SOX30: variants seen among roughly 807,000 people sequenced by gnomAD.
The protein encoded by SOX30 is transcription factor SOX-30.
A neutral mutation model predicts 58.6 loss-of-function variants in SOX30; 17 were observed. The observed-to-expected ratio is 0.29, with a 90% CI of 0.20 to 0.44. SOX30 has a LOEUF of 0.44. Among genes scored for constraint, SOX30 ranks in the 20% least tolerant of loss-of-function variants. SOX30 has a pLI of 1.00. For synonymous variants in SOX30, 421 were observed against 400.2 expected (o/e 1.05, Z -0.62); for missense variants, 951 against 965.8 (o/e 0.98, Z 0.20).
chr5:157,640,501 G>C (rs151051727), intron 3 of SOX30, among the ~76,000 whole-genome samples: 215 of 151,932 alleles, frequency 1.4e-3, no homozygotes, highest in Admixed American at 0.012. Context: ...CCATACATGC[G>C]CACTGACCAC....
At chr5:157,650,789 C>A (rs1759309252) in intron 1 of SOX30, among the ~76,000 whole-genome samples, 1 of 152,116 alleles carries the variant, frequency 6.6e-6, no homozygotes, top group African/African-American at 2.4e-5. Context: ...TATTTTTAAT[C>A]TTGATTATTT....
chr5:157,643,313 G>A (rs1297547169), intron 3 of SOX30, among the ~76,000 whole-genome samples: 4 of 152,094 alleles, frequency 2.6e-5, no homozygotes, highest in Non-Finnish European at 5.9e-5. Flanking sequence ...CCAGCTACTC[G>A]GGAGGCTCAG....
chr5:157,668,468 T>C (rs1277559259), intron 1 of SOX30, among the ~76,000 whole-genome samples: 2 of 152,044 alleles, frequency 1.3e-5, no homozygotes, highest in African/African-American at 4.8e-5. Flanking sequence ...AGTTCTGACA[T>C]ATCTGTCTCA....
At chr5:157,633,694 GC>G (rs1187029796) in intron 4 of SOX30, among the ~76,000 whole-genome samples, 2 of 152,122 alleles carry the variant, frequency 1.3e-5, no homozygotes, top group Non-Finnish European at 2.9e-5. Context: ...AAAGAGAATT[GC>G]TTTTAACCTT....
At chr5:157,633,962 G>A (rs1214762908) in intron 4 of SOX30, among the ~76,000 whole-genome samples, 3 of 152,170 alleles carry the variant, frequency 2.0e-5, no homozygotes, top group African/African-American at 7.2e-5. Flanking sequence ...CAAGAAGAAG[G>A]AAGAGGAAGG....
chr5:157,652,405 T>G lies in SOX30; in HGVS notation c.-327A>C. The G allele has an allele frequency of 9.4e-7, 1 of 1,067,880 alleles. No homozygotes were observed. The allele number at this position is 1,067,880 out of a possible 1,614,324, so 66.2% of individuals were successfully genotyped here. On this transcript the variant is annotated 5_prime_UTR_variant, in exon 1 of 5. Coordinates refer to ENST00000265007, the MANE Select transcript of SOX30 (RefSeq NM_178424.2). ...GGAGTTCTCTTACAGCCGTTGTCTT[T>G]AGTCATCCCTCCCCCACCCGGAGCT... is the stretch of plus-strand genomic sequence containing the variant.
intron 3 of SOX30, among the ~76,000 whole-genome samples, chr5:157,642,309 C>T (rs944850355): frequency 6.3e-4 from 82 of 131,022 alleles, no homozygotes; most frequent in African/African-American, 2.5e-3. Context: ...GAGTAAGATT[C>T]CCTCTCAAAA....
Position 157,626,495 on chromosome 5 carries a change from T to G in SOX30, c.2107A>C (p.Ser703Arg). The G allele has an allele frequency of 6.2e-7, 1 of 1,614,224 alleles. No individual in the cohort carries two copies. Among genetic ancestry groups the G allele is most frequent in the East Asian group, 2.2e-5 (1 of 44,888 alleles). The change falls in exon 5 of 5, where the codon AGT becomes CGT. Residue 703 changes from serine (S) to arginine (R), a missense_variant. Physicochemically the swap from Ser to Arg is moderately radical, Grantham distance 110 (BLOSUM62 -1). This residue lies in a region of SOX30 where 381 missense variants were observed against 390.0 expected (regional missense o/e 0.98). Transcript: ENST00000265007. ...ACAGGGTTTAAGTTTTCTTCCCCAC[T>G]GTGGCTATGACTGTTATAGTAAGAA... ...GTSYYNSHSH[S>R]GEENLNPVPQ...
rs572842563 is a variant in SOX30, at chr5:157,667,693, C to A, written c.52+105G>T. On this transcript the variant is annotated intron_variant, in intron 2 of 5. Transcript: ENST00000519442. ...CGCAGAGGCTGCAGTGACCTGATATCATGCCACTGCCCTCCAGCCTGGGCG... is the reference window on the plus strand; with the variant it reads ...CGCAGAGGCTGCAGTGACCTGATATAATGCCACTGCCCTCCAGCCTGGGCG... 6.2e-6 allele frequency: 9 copies of A among 1,451,626 alleles called. 1 individual carries two copies. In the East Asian group the frequency reaches 1.0e-4, roughly 16 times the overall value. The allele number at this position is 1,451,626 out of a possible 1,614,324, so 89.9% of individuals were successfully genotyped here.
In SOX30 at chr5:157,625,697, T is replaced by G. The variant is rs1758632017; in HGVS notation, c.*643A>C. The G allele has an allele frequency of 6.6e-6, 1 of 152,642 alleles. No individual in the cohort carries two copies. Among genetic ancestry groups the G allele is most frequent in the Non-Finnish European group, 1.5e-5 (1 of 68,050 alleles). The allele number at this position is 152,642 out of a possible 1,614,324, so 9.5% of individuals were successfully genotyped here. On this transcript the variant is annotated 3_prime_UTR_variant, in exon 5 of 5. Transcript: ENST00000265007. ...CAACAAGAACAATTTTATCTATGTT[T>G]ATTTAATTACAACAAAGAACGATGT... is the stretch of plus-strand genomic sequence containing the variant.
intron 3 of SOX30, among the ~76,000 whole-genome samples, chr5:157,640,459 G>A (rs1297103326): frequency 2.6e-5 from 4 of 152,032 alleles, no homozygotes; most frequent in Admixed American, 1.3e-4. Flanking sequence ...GTGGGGTGGC[G>A]GGGATCATCT....
chr5:157,657,767 G>A (rs1404680877), intron 2 of SOX30, among the ~76,000 whole-genome samples: 4 of 152,132 alleles, frequency 2.6e-5, no homozygotes, highest in Admixed American at 6.5e-5. Context: ...TCCAGAATGT[G>A]GAAACTATTT....
intron 3 of SOX30, among the ~76,000 whole-genome samples, chr5:157,645,662 G>GAA (rs370048560): frequency 9.6e-5 from 13 of 134,790 alleles, no homozygotes; most frequent in East Asian, 2.1e-4. Flanking sequence ...ACCCTGTCTG[G>GAA]AAAAAAAAAA....
chr5:157,666,220 T>G (rs1422715426), intron 2 of SOX30, among the ~76,000 whole-genome samples: 1 of 152,034 alleles, frequency 6.6e-6, no homozygotes, highest in Non-Finnish European at 1.5e-5. Flanking sequence ...AGTGGAAAAA[T>G]CATGGCTCGC....
rs201464813 is a variant in SOX30, at chr5:157,626,663, C to T, written c.1939G>A (p.Glu647Lys). Residue 647 changes from glutamate to lysine, a missense_variant, in exon 5 of 5, where the codon GAA (glutamate) becomes AAA (lysine). Glu to Lys is a moderately conservative substitution (Grantham distance 56). Coordinates refer to ENST00000265007, the MANE Select transcript of SOX30 (RefSeq NM_178424.2). The stretch of plus-strand genomic sequence containing the variant: ...CTGTCTTCATAATAACTAAGGCATT[C>T]TGGCATTGAACTCGGAAAATTTCCA... ...GYGNFPSSMPECLSYYEDRYP... is the reference protein window; with the variant it reads ...GYGNFPSSMPKCLSYYEDRYP... 2 of 1,613,730 alleles carry T rather than the reference C, an allele frequency of 1.2e-6. No individual in the cohort carries two copies. The highest frequency in any genetic ancestry group is 2.7e-5 in the African/African-American group (2 of 75,002).
chr5:157,664,903 G>A (rs572210386), intron 2 of SOX30, among the ~76,000 whole-genome samples: 109 of 152,228 alleles, frequency 7.2e-4, no homozygotes, highest in Middle Eastern at 3.4e-3. Context: ...ATGAGATACC[G>A]TCTCACACCA....
At chr5:157,668,449 T>G (rs1288783761) in intron 1 of SOX30, among the ~76,000 whole-genome samples, 3 of 151,814 alleles carry the variant, frequency 2.0e-5, no homozygotes, top group Non-Finnish European at 4.4e-5. Context: ...CTGCTAAGAG[T>G]GATCCCAAAG....
intron 3 of SOX30, among the ~76,000 whole-genome samples, chr5:157,641,714 CTT>C (rs1759067522): frequency 6.6e-6 from 1 of 152,202 alleles, no homozygotes. Context: ...CTAACGAACT[CTT>C]TGACAGCAGA....
intron 4 of SOX30, among the ~76,000 whole-genome samples, chr5:157,633,066 A>G (rs1167826271): frequency 6.6e-6 from 1 of 152,188 alleles, no homozygotes; most frequent in African/African-American, 2.4e-5. Flanking sequence ...AGACTCTCAA[A>G]AAAACAAAAA....
Sources: allele counts gnomAD v4.1 joint callset (sites outside exome capture counted in the v4.1 genomes callset), GRCh38; gene constraint gnomAD v4.1.1; regional missense constraint gnomAD v4.1.1; transcripts MANE v1.5; gene names NCBI Gene and HGNC (gene_info 2026-07-23, HGNC 2026-07-21).